CARD16: variants seen among roughly 807,000 people sequenced by gnomAD.
CARD16 encodes the protein caspase recruitment domain-containing protein 16.
In CARD16, 8 loss-of-function variants were observed where a neutral mutation model predicts 11.9. The ratio of observed to expected loss-of-function variants is 0.67; its 90% CI spans 0.39 to 1.21. The LOEUF is 1.21. Ranked by LOEUF, CARD16 falls within the 50% of genes most tolerant of loss-of-function variation. The pLI, the probability that CARD16 is intolerant of heterozygous loss-of-function variation, is 0.01. For missense variants in CARD16, 131 were observed against 118.1 expected, an observed-to-expected ratio of 1.11 and a Z score of -0.51; for synonymous variants, 44 against 43.8, an observed-to-expected ratio of 1.00 and a Z score of -0.02.
At position 105,041,660 on chromosome 11, in the gene CARD16, T is replaced by G. The variant is rs771313135; in HGVS notation, c.*103A>C. ...GCGTCTTCTAGAAAGCAAAGCTTGA[T>G]TCTGCCTTCTGGGCTTGAGCATGTG... On this transcript the variant is annotated 3_prime_UTR_variant, in exon 4 of 4. Transcript: ENST00000673097. The G allele has an allele frequency of 4.2e-5, 68 of 1,613,922 alleles. No individual in the cohort carries two copies. The highest frequency in any genetic ancestry group is 5.3e-5 in the Non-Finnish European group (63 of 1,179,934).
rs1864167086 is a variant in CARD16 at position 105,044,613 on chromosome 11, C to T, written c.53G>A (p.Gly18Asp). 2 of 1,613,996 alleles carry T rather than the reference C, an allele frequency of 1.2e-6. No homozygotes were observed. Among genetic ancestry groups the T allele is most frequent in the African/African-American group, 2.7e-5 (2 of 74,912 alleles). ...EKRKLFIHSM[G>D]EGTINGLLDE... ...CAGTAAGCCATTTATTGTACCTTCA[C>T]CCATGGAATGGATAAACAGCTTTCT... Residue 18 changes from glycine to aspartate, a missense_variant, in exon 2 of 4, where the codon GGT becomes GAT. By Grantham distance (94) the Gly-to-Asp change is moderately conservative. Transcript: ENST00000673097.
Position 105,044,654 on chromosome 11 carries a change from C to T in CARD16, c.12G>A (p.Lys4=). The change falls in exon 2 of 4, where the codon AAG becomes AAA. Residue 4 remains lysine (K), a synonymous_variant. Transcript: ENST00000673097. MAD[K]VLKEKRKLFI... ...ACAGCTTTCTCTTCTCCTTCAGGAC[C>T]TTGTCTGTTTGGAGCACAAGGATTT... The T allele has an allele frequency of 1.9e-6, 3 of 1,613,978 alleles. No individual in the cohort carries two copies. The highest frequency in any genetic ancestry group is 2.5e-6 in the Non-Finnish European group (3 of 1,179,882).
In CARD16 at chr11:105,044,499, G is replaced by A; in HGVS notation, c.167C>T (p.Ala56Val). The A allele has an allele frequency of 6.2e-7, 1 of 1,614,082 alleles. No individual in the cohort carries two copies. Among genetic ancestry groups the A allele is most frequent in the South Asian group, 1.1e-5 (1 of 91,084 alleles). ...TTTCGGAATAACGGAGTCAATCAAA[G>A]CTCGGGTCTTATCCATAACTGTAGC... ...ENATVMDKTR[A>V]LIDSVIPKGA... is the part of the protein sequence containing the mutation. Residue 56 changes from alanine to valine, a missense_variant, in exon 2 of 4, where the codon GCT (alanine) becomes GTT (valine). Physicochemically the swap from Ala to Val is moderately conservative, Grantham distance 64. Coordinates refer to ENST00000673097, the MANE Select transcript of CARD16 (RefSeq NM_052889.4).
Position 105,041,569 on chromosome 11 carries a change from T to A in CARD16, c.*194A>T. 6.2e-7 allele frequency: 1 copy of A among 1,614,088 alleles called. No homozygotes were observed. The highest frequency in any genetic ancestry group is 8.5e-7 in the Non-Finnish European group (1 of 1,179,940). On this transcript the variant is annotated 3_prime_UTR_variant, in exon 4 of 4. Transcript: ENST00000673097. ...TTCAAAACTGCCTGAAGTATATCTT[T>A]CACTCCACTTTATTATTGTATTCTG...
Position 105,041,692 on chromosome 11 carries a change from G to A in CARD16, c.*71C>T. The A allele has an allele frequency of 6.2e-7, 1 of 1,613,930 alleles. No homozygotes were observed. The highest frequency in any genetic ancestry group is 8.5e-7 in the Non-Finnish European group (1 of 1,179,886). On this transcript the variant is annotated 3_prime_UTR_variant, in exon 4 of 4. Coordinates refer to ENST00000673097, the MANE Select transcript of CARD16 (RefSeq NM_052889.4). Reference sequence around the variant, plus strand: ...TTCTGGGCTTGAGCATGTGGGCATAGCTGGGTTGTCCTGCACTGCCTGAAG... The same window carrying A: ...TTCTGGGCTTGAGCATGTGGGCATAACTGGGTTGTCCTGCACTGCCTGAAG...
At chr11:105,043,006 G>T (rs1864137173) in intron 3 of CARD16, among the ~76,000 whole-genome samples, 1 of 152,150 alleles carries the variant, frequency 6.6e-6, no homozygotes, top group Non-Finnish European at 1.5e-5. Context: ...AAATTTGAGA[G>T]AAGAATGCAT....
At position 105,044,548 on chromosome 11, in the gene CARD16, T is replaced by C. The variant is rs377015648; in HGVS notation, c.118A>G (p.Met40Val). ...GCATTTTCACGTTTTACTTTCTCCA[T>C]CTCTTCCTGGTTCAGCACCCTTGTC... ...LQTRVLNQEE[M>V]EKVKRENATV... Residue 40 changes from methionine to valine, a missense_variant, in exon 2 of 4, where the codon ATG becomes GTG. Transcript: ENST00000673097. The C allele has an allele frequency of 5.0e-6, 8 of 1,614,034 alleles. No individual in the cohort carries two copies. Among genetic ancestry groups the C allele is most frequent in the Non-Finnish European group, 6.8e-6 (8 of 1,179,998 alleles).
chr11:105,043,876 G>C (rs1031939055), intron 2 of CARD16: 11 of 299,972 alleles, frequency 3.7e-5, no homozygotes, highest in Admixed American at 9.3e-5. Flanking sequence ...GGAGGAAAGA[G>C]CCCTGTTGAA....
Position 105,045,327 on chromosome 11 carries a change from G to A in CARD16, c.-30C>T, listed in dbSNP as rs773752642. 3 of 1,613,910 alleles carry A rather than the reference G, an allele frequency of 1.9e-6. No homozygotes were observed. Among genetic ancestry groups the A allele is most frequent in the South Asian group, 1.1e-5 (1 of 91,080 alleles). ...TTTCTCTCCTACCCTTCTTGTGTGGGCTGAAACTGAAAGTATGTTTCGCCT... is the reference window on the plus strand; with the variant it reads ...TTTCTCTCCTACCCTTCTTGTGTGGACTGAAACTGAAAGTATGTTTCGCCT... On this transcript the variant is annotated 5_prime_UTR_variant, in exon 1 of 4. Coordinates refer to ENST00000673097, the MANE Select transcript of CARD16 (RefSeq NM_052889.4).
chr11:105,045,080 A>G (rs1242383260), intron 1 of CARD16: 2 of 672,338 alleles, frequency 3.0e-6, no homozygotes, highest in African/African-American at 1.9e-5. Context: ...ACAGCAGGCT[A>G]CCCCTAAAGT....
At chr11:105,044,072 A>G (rs927088481) in intron 2 of CARD16, 9 of 446,162 alleles carry the variant, frequency 2.0e-5, no homozygotes, top group Non-Finnish European at 3.6e-5. Context: ...CAAAATAATA[A>G]ATCAATCAAT....
Position 105,044,995 on chromosome 11 carries a change from T to G in CARD16, c.7+296A>C, listed in dbSNP as rs529678770. The G allele has an allele frequency of 5.0e-5, 30 of 599,342 alleles. No individual in the cohort carries two copies. In the East Asian group the frequency reaches 8.0e-4, roughly 16 times the overall value. The allele number at this position is 599,342 out of a possible 1,614,324, so 37.1% of individuals were successfully genotyped here. A position where few individuals can be genotyped will look rare whatever the true frequency, so the allele number is the denominator to read the frequency against. ...ATTTAGGAACCACTGCTGCTAGTAC[T>G]CCTCCTGTGCCAATTCTGTACCCTC... is the stretch of plus-strand genomic sequence containing the variant. On this transcript the variant is annotated intron_variant, in intron 1 of 3. Coordinates refer to ENST00000673097, the MANE Select transcript of CARD16 (RefSeq NM_052889.4).
intron 1 of CARD16, 28 bp downstream of exon 1, chr11:105,045,263 C>T: frequency 1.2e-6 from 2 of 1,613,958 alleles, no homozygotes; most frequent in East Asian, 2.2e-5. Flanking sequence ...TTCCCAGGGA[C>T]CTGTTCTTGG....
intron 3 of CARD16, 124 bp downstream of exon 3, chr11:105,043,359 A>G (rs1178399720): frequency 1.9e-6 from 1 of 537,912 alleles, no homozygotes; most frequent in Non-Finnish European, 3.1e-6. Flanking sequence ...TAGATTAAAA[A>G]AGAAAATTAT....
At chr11:105,041,805 A>C (rs889993484) in intron 3 of CARD16, 86 bp from the exon 4 acceptor site, 2 of 1,264,926 alleles carry the variant, frequency 1.6e-6, no homozygotes, top group Non-Finnish European at 2.2e-6. Context: ...AAAAGAGGAA[A>C]TACATTCCTA....
intron 2 of CARD16, 175 bp downstream of exon 2, chr11:105,044,217 T>G: frequency 1.0e-6 from 1 of 1,003,382 alleles, no homozygotes; most frequent in Admixed American, 2.6e-5. Flanking sequence ...GCACTGAGGA[T>G]GAAGGAACAC....
chr11:105,043,128 C>A (rs1472316619), intron 3 of CARD16, among the ~76,000 whole-genome samples: 1 of 152,038 alleles, frequency 6.6e-6, no homozygotes, highest in Non-Finnish European at 1.5e-5. Flanking sequence ...AACCAAGTTA[C>A]ACAAAACTGT....
rs1422470954 is a variant in CARD16 at position 105,044,571 on chromosome 11, G to T, written c.95C>A (p.Thr32Lys). 3 of 1,613,980 alleles carry T rather than the reference G, an allele frequency of 1.9e-6. No homozygotes were observed. The highest frequency in any genetic ancestry group is 2.5e-6 in the Non-Finnish European group (3 of 1,179,992). Residue 32 changes from threonine to lysine, a missense_variant, in exon 2 of 4, where the codon ACA becomes AAA. Thr to Lys is a moderately conservative substitution (Grantham distance 78, BLOSUM62 -1). Transcript: ENST00000673097. ...INGLLDELLQ[T>K]RVLNQEEMEK... ...CATCTCTTCCTGGTTCAGCACCCTT[G>T]TCTGTAATAATTCATCCAGTAAGCC... is the stretch of plus-strand genomic sequence containing the variant.
Position 105,041,654 on chromosome 11 carries a change from G to A in CARD16, c.*109C>T. ...CTTTGAGCGTCTTCTAGAAAGCAAA[G>A]CTTGATTCTGCCTTCTGGGCTTGAG... On this transcript the variant is annotated 3_prime_UTR_variant, in exon 4 of 4. Coordinates refer to ENST00000673097, the MANE Select transcript of CARD16 (RefSeq NM_052889.4). The A allele has an allele frequency of 6.2e-7, 1 of 1,614,016 alleles. No homozygotes were observed. Among genetic ancestry groups the A allele is most frequent in the African/African-American group, 1.3e-5 (1 of 75,038 alleles).
Sources: allele counts gnomAD v4.1 joint callset (sites outside exome capture counted in the v4.1 genomes callset), GRCh38; gene constraint gnomAD v4.1.1; transcripts MANE v1.5; gene names NCBI Gene and HGNC (gene_info 2026-07-23, HGNC 2026-07-21).